The following AQP9 variants were observed in gnomAD, a reference collection of about 807,000 sequenced individuals.
AQP9 encodes aquaporin 9.
A neutral mutation model predicts 23.8 loss-of-function variants in AQP9; 19 were observed. That is an observed-to-expected ratio of 0.80 (90% CI 0.56 to 1.17). The LOEUF (loss-of-function observed/expected upper bound fraction) is 1.17. AQP9 is among the 50% of genes most tolerant of loss of function. The pLI, the probability that AQP9 is intolerant of heterozygous loss-of-function variation, is 0.00. For synonymous variants in AQP9, 153 were observed against 131.5 expected (o/e 1.16, Z -1.12); for missense variants, 413 against 362.0 (o/e 1.14, Z -1.14).
In AQP9 at chr15:58,183,946, C is replaced by G; in HGVS notation, c.714-15C>G. 1 of 1,613,236 alleles carries G rather than the reference C, an allele frequency of 6.2e-7. No homozygotes were observed. The highest frequency in any genetic ancestry group is 8.5e-7 in the Non-Finnish European group (1 of 1,179,418). On this transcript the variant is annotated splice_polypyrimidine_tract_variant and intron_variant, in intron 5 of 5. Coordinates refer to ENST00000219919, the MANE Select transcript of AQP9 (RefSeq NM_020980.5). Reference sequence around the variant, plus strand: ...AGGCCAAGAAATGTATCACTAATTTCTTGTTTGATTTCAGAGCTGGAAACA... The same window carrying G: ...AGGCCAAGAAATGTATCACTAATTTGTTGTTTGATTTCAGAGCTGGAAACA...
intron 1 of AQP9, among the ~76,000 whole-genome samples, chr15:58,165,022 T>A (rs1184368946): frequency 1.3e-5 from 2 of 152,178 alleles, no homozygotes; most frequent in African/African-American, 2.4e-5. Flanking sequence ...AATATATTTG[T>A]TTCTGAAATA....
At chr15:58,170,034 C>T (rs1399605007) in intron 2 of AQP9, among the ~76,000 whole-genome samples, 4 of 152,100 alleles carry the variant, frequency 2.6e-5, no homozygotes, top group East Asian at 1.9e-4. Flanking sequence ...GCTGTGCCCG[C>T]GGGCCCTTTA....
At chr15:58,150,340 T>C (rs1898125637) in intron 1 of AQP9, 1 of 152,666 alleles carries the variant, frequency 6.6e-6, no homozygotes, top group Admixed American at 6.5e-5. Flanking sequence ...AGGCCCCTTT[T>C]ACTATCTCTG....
At chr15:58,164,752 A>G (rs1202146662) in intron 1 of AQP9, among the ~76,000 whole-genome samples, 1 of 152,078 alleles carries the variant, frequency 6.6e-6, no homozygotes, top group Non-Finnish European at 1.5e-5. Flanking sequence ...CATCTACGTA[A>G]TTTCTCTGCT....
At chr15:58,145,972 A>C (rs1358627316) in intron 1 of AQP9, among the ~76,000 whole-genome samples, 1 of 152,128 alleles carries the variant, frequency 6.6e-6, no homozygotes, top group Non-Finnish European at 1.5e-5. Flanking sequence ...TGCCTCTGTT[A>C]TTGCTGTTCA....
chr15:58,143,575 T>G (rs766849124), intron 1 of AQP9, among the ~76,000 whole-genome samples: 4 of 152,252 alleles, frequency 2.6e-5, no homozygotes, highest in Non-Finnish European at 4.4e-5. Context: ...TTCTAATATA[T>G]GCTTTTGAAG....
chr15:58,138,733 G>A, intron 1 of AQP9, 57 bp downstream of exon 1: 1 of 1,446,652 alleles, frequency 6.9e-7, no homozygotes, highest in South Asian at 1.2e-5. Context: ...TAGCTGCCAG[G>A]CTGGTAGTGG....
intron 5 of AQP9, among the ~76,000 whole-genome samples, chr15:58,182,410 A>C (rs186609510): frequency 6.6e-6 from 1 of 152,290 alleles, no homozygotes; most frequent in East Asian, 1.9e-4. Context: ...TGACTTGTGA[A>C]CCTGATACAA....
intron 1 of AQP9, among the ~76,000 whole-genome samples, chr15:58,160,378 T>C (rs1370436272): frequency 2.0e-5 from 3 of 152,190 alleles, no homozygotes; most frequent in Admixed American, 2.0e-4. Flanking sequence ...ATTGAGTTGT[T>C]TGAGCTCCTT....
chr15:58,172,071 G>T (rs545430582), intron 2 of AQP9, among the ~76,000 whole-genome samples: 1 of 152,290 alleles, frequency 6.6e-6, no homozygotes, highest in East Asian at 1.9e-4. Flanking sequence ...AAGCAGAGAA[G>T]CCTTTATAAA....
At chr15:58,172,509 G>C (rs1375953855) in intron 2 of AQP9, among the ~76,000 whole-genome samples, 5 of 152,166 alleles carry the variant, frequency 3.3e-5, no homozygotes, top group African/African-American at 1.2e-4. Context: ...TTTATGCAGA[G>C]GAACTGAGAA....
rs1230944831 is a variant in AQP9 at position 58,138,445 on chromosome 15, A to G, written c.-121A>G. 4 of 716,696 alleles carry G rather than the reference A, an allele frequency of 5.6e-6. No individual in the cohort carries two copies. Among genetic ancestry groups the G allele is most frequent in the East Asian group, 2.6e-5 (1 of 37,830 alleles). 44.4% of individuals were successfully genotyped at this position (716,696 alleles called of 1,614,324 possible). On this transcript the variant is annotated 5_prime_UTR_variant, in exon 1 of 6. Transcript: ENST00000219919. Reference sequence around the variant, plus strand: ...GGCATTTGTACAGTCAGAGACTCTTACCAGACATCTCCAGGAATCTGTGAG... The same window carrying G: ...GGCATTTGTACAGTCAGAGACTCTTGCCAGACATCTCCAGGAATCTGTGAG...
intron 1 of AQP9, among the ~76,000 whole-genome samples, chr15:58,164,543 AAAT>A (rs556429331): frequency 1.1e-3 from 168 of 152,318 alleles, no homozygotes; most frequent in African/African-American, 3.8e-3. Flanking sequence ...ATTCTAGAAA[AAAT>A]AATGTCAAGT....
Position 58,181,642 on chromosome 15 carries a change from C to T in AQP9, c.713+2297C>T, listed in dbSNP as rs1188458915. Among the ~76,000 whole-genome samples the T allele has an allele frequency of 3.3e-5, 5 of 152,154 alleles. No individual in the cohort carries two copies. In the South Asian group the frequency reaches 8.3e-4, roughly 25 times the overall value. On this transcript the variant is annotated intron_variant, in intron 5 of 5. Transcript: ENST00000219919. Reference sequence around the variant, plus strand: ...AGGGCCGTTGTCAGATCATAGAGGACCTGGACTCCCAGAATGAGAATTTTG... The same window carrying T: ...AGGGCCGTTGTCAGATCATAGAGGATCTGGACTCCCAGAATGAGAATTTTG...
chr15:58,154,681 A>G (rs1898213939), intron 1 of AQP9, among the ~76,000 whole-genome samples: 1 of 152,064 alleles, frequency 6.6e-6, no homozygotes, highest in Non-Finnish European at 1.5e-5. Flanking sequence ...ATGTTTCAGG[A>G]TACTCCTCAA....
At position 58,175,041 on chromosome 15, in the gene AQP9, G is replaced by T; in HGVS notation, c.495+5G>T. On this transcript the variant is annotated splice_donor_5th_base_variant and intron_variant, in intron 4 of 5. Transcript: ENST00000219919. ...GCGAACGCATTTGCAGATCAAGTAA[G>T]TGTAGATTCAACAAAGACTTAACTT... is the stretch of plus-strand genomic sequence containing the variant. The T allele has an allele frequency of 6.2e-7, 1 of 1,605,998 alleles. No individual in the cohort carries two copies. The highest frequency in any genetic ancestry group is 1.3e-5 in the African/African-American group (1 of 74,870).
At chr15:58,158,020 A>G (rs2140605218) in intron 1 of AQP9, among the ~76,000 whole-genome samples, 1 of 152,292 alleles carries the variant, frequency 6.6e-6, no homozygotes, top group South Asian at 2.1e-4. Context: ...ACCAGGAACT[A>G]TAAGGAGACA....
At position 58,185,536 on chromosome 15, in the gene AQP9, G is replaced by A. The variant is rs1899010641; in HGVS notation, c.*1401G>A. On this transcript the variant is annotated 3_prime_UTR_variant, in exon 6 of 6. Coordinates refer to ENST00000219919, the MANE Select transcript of AQP9 (RefSeq NM_020980.5). ...GGCCTCCCTTCCTAAGCCACCTCTGGTCTTGCTAAGTCTTGATCTTGCTTC... is the reference window on the plus strand; with the variant it reads ...GGCCTCCCTTCCTAAGCCACCTCTGATCTTGCTAAGTCTTGATCTTGCTTC... 1 of 152,250 alleles carries A rather than the reference G, an allele frequency of 6.6e-6. No homozygotes were observed. Among genetic ancestry groups the A allele is most frequent in the Non-Finnish European group, 1.5e-5 (1 of 68,032 alleles). 9.4% of individuals were successfully genotyped at this position (152,250 alleles called of 1,614,324 possible).
chr15:58,142,905 A>C (rs1421698454), intron 1 of AQP9, among the ~76,000 whole-genome samples: 2 of 152,114 alleles, frequency 1.3e-5, no homozygotes, highest in African/African-American at 2.4e-5. Context: ...AGAAGCCCCT[A>C]CTGTCAGCAG....
Sources: allele counts gnomAD v4.1 joint callset (sites outside exome capture counted in the v4.1 genomes callset), GRCh38; gene constraint gnomAD v4.1.1; transcripts MANE v1.5; gene names NCBI Gene and HGNC (gene_info 2026-07-23, HGNC 2026-07-21).